Variants in TRIP4 observed in about 807,000 individuals in gnomAD.
TRIP4 encodes the protein thyroid hormone receptor interactor 4.
A neutral mutation model predicts 81.8 loss-of-function variants in TRIP4; 54 were observed. The ratio of observed to expected loss-of-function variants is 0.66; its 90% CI spans 0.53 to 0.83. The LOEUF (loss-of-function observed/expected upper bound fraction) is 0.83. Among genes scored for constraint, TRIP4 ranks in the 40% least tolerant of loss-of-function variants. The pLI is 0.00. For synonymous variants in TRIP4, 270 were observed against 242.8 expected (o/e 1.11, Z -1.04); for missense variants, 662 against 683.6 (o/e 0.97, Z 0.35).
intron 11 of TRIP4, among the ~76,000 whole-genome samples, chr15:64,440,457 G>A (rs1220281911): frequency 2.7e-5 from 1 of 36,978 alleles, no homozygotes; most frequent in Non-Finnish European, 4.8e-5. Flanking sequence ...GATTGTGGTT[G>A]TCTTTTTTTT....
Position 64,399,836 on chromosome 15 carries a change from A to C in TRIP4, c.619-907A>C, listed in dbSNP as rs1344293933. Among the ~76,000 whole-genome samples, 3 of 151,448 alleles carry C rather than the reference A, an allele frequency of 2.0e-5. No individual in the cohort carries two copies. In the East Asian group the frequency reaches 6.0e-4, roughly 30 times the overall value. The stretch of plus-strand genomic sequence containing the variant: ...TTTTAGACAGAGTCTCAGGCCAGGC[A>C]TGCTGGCTTATGTCTGTAATCCCAG... On this transcript the variant is annotated intron_variant, in intron 4 of 12. Coordinates refer to ENST00000261884, the MANE Select transcript of TRIP4 (RefSeq NM_016213.5).
At chr15:64,441,585 A>G (rs903748964) in intron 11 of TRIP4, among the ~76,000 whole-genome samples, 1 of 152,002 alleles carries the variant, frequency 6.6e-6, no homozygotes, top group African/African-American at 2.4e-5. Context: ...CATCCTGGCT[A>G]ACACGGTGAA....
At chr15:64,425,668 T>C in intron 11 of TRIP4, 37 bp downstream of exon 11, 5 of 1,552,460 alleles carry the variant, frequency 3.2e-6, no homozygotes, top group Non-Finnish European at 4.4e-6. Flanking sequence ...AGAGACAGGG[T>C]TTCGCCATGT....
intron 8 of TRIP4, among the ~76,000 whole-genome samples, chr15:64,416,513 A>G (rs1891893811): frequency 6.6e-6 from 1 of 152,164 alleles, no homozygotes; most frequent in Non-Finnish European, 1.5e-5. Context: ...ACTTGAAGCC[A>G]GGAGGTCAAG....
chr15:64,409,324 A>G (rs539870560), intron 6 of TRIP4, among the ~76,000 whole-genome samples: 39 of 152,308 alleles, frequency 2.6e-4, no homozygotes, highest in African/African-American at 8.9e-4. Flanking sequence ...TAAGCTGTCA[A>G]ACTTGAACTC....
intron 4 of TRIP4, among the ~76,000 whole-genome samples, chr15:64,399,094 G>C (rs1257070444): frequency 2.0e-5 from 3 of 151,356 alleles, no homozygotes; most frequent in African/African-American, 4.9e-5. Context: ...GGACAACAGG[G>C]ACACACCACC....
At chr15:64,452,220 G>C (rs545798070) in intron 12 of TRIP4, among the ~76,000 whole-genome samples, 4 of 152,124 alleles carry the variant, frequency 2.6e-5, no homozygotes, top group Non-Finnish European at 5.9e-5. Flanking sequence ...GGGCTCAAGC[G>C]ATCTGCCTGC....
rs573460489 is a variant in TRIP4 at position 64,412,279 on chromosome 15, C to T, written c.1044-1806C>T. Among the ~76,000 whole-genome samples, 11 of 152,210 alleles carry T rather than the reference C, an allele frequency of 7.2e-5. 1 individual carries two copies. Among genetic ancestry groups the T allele is most frequent in the Admixed American group, 3.9e-4 (6 of 15,262 alleles). On this transcript the variant is annotated intron_variant, in intron 7 of 12. Coordinates refer to ENST00000261884, the MANE Select transcript of TRIP4 (RefSeq NM_016213.5). ...TCTCTTTCAGACCTCACTCTCCCCA[C>T]GCTATTTTAGACTTACCTCATCATA...
Position 64,445,230 on chromosome 15 carries a change from C to T in TRIP4, c.1678+122C>T, listed in dbSNP as rs1054408906. The T allele has an allele frequency of 9.3e-6, 5 of 539,646 alleles. No individual in the cohort carries two copies. In the Admixed American group the frequency reaches 1.9e-4, roughly 20 times the overall value. The allele number at this position is 539,646 out of a possible 1,614,324, so 33.4% of individuals were successfully genotyped here. A position where few individuals can be genotyped will look rare whatever the true frequency, so the allele number is the denominator to read the frequency against. On this transcript the variant is annotated intron_variant, in intron 12 of 12. Transcript: ENST00000261884. ...AACAATCAGTTGAGGTAACCCACTA[C>T]CTTTGGATCAGCCTGTAAGTCATAA... is the stretch of plus-strand genomic sequence containing the variant.
At chr15:64,415,930 G>A (rs1177210575) in intron 8 of TRIP4, among the ~76,000 whole-genome samples, 2 of 152,178 alleles carry the variant, frequency 1.3e-5, no homozygotes, top group African/African-American at 4.8e-5. Flanking sequence ...CGTAGAGAAT[G>A]GATTGGAGGG....
At chr15:64,395,755 T>A (rs75920008) in intron 3 of TRIP4, among the ~76,000 whole-genome samples, 2 of 149,470 alleles carry the variant, frequency 1.3e-5, no homozygotes, top group African/African-American at 4.9e-5. Context: ...TTTTTTTTTT[T>A]CCCCAAGACA....
intron 6 of TRIP4, among the ~76,000 whole-genome samples, chr15:64,408,708 T>C (rs1359937176): frequency 6.6e-6 from 1 of 152,184 alleles, no homozygotes; most frequent in Non-Finnish European, 1.5e-5. Context: ...ATTGGAGTAA[T>C]CACTCAACTT....
chr15:64,429,705 C>T (rs978830412), intron 11 of TRIP4, among the ~76,000 whole-genome samples: 3 of 152,148 alleles, frequency 2.0e-5, no homozygotes, highest in Non-Finnish European at 4.4e-5. Flanking sequence ...TCTAAGTATG[C>T]TTGATTTTTC....
rs186634344 is a variant in TRIP4 at position 64,397,458 on chromosome 15, C to G, written c.406-148C>G. The G allele has an allele frequency of 2.1e-3, 1,583 of 754,674 alleles. 7 individuals are homozygous for G. The highest frequency in any genetic ancestry group is 4.7e-3 in the Middle Eastern group (12 of 2,532). 46.7% of individuals were successfully genotyped at this position (754,674 alleles called of 1,614,324 possible). On this transcript the variant is annotated intron_variant, in intron 3 of 12. Coordinates refer to ENST00000261884, the MANE Select transcript of TRIP4 (RefSeq NM_016213.5). ...CCTTTCCTCAGAACCTTGATTATAA[C>G]TAATTTGTATTTCTTCCTTTCACTG...
At chr15:64,395,803 C>T (rs1261099565) in intron 3 of TRIP4, among the ~76,000 whole-genome samples, 8 of 149,302 alleles carry the variant, frequency 5.4e-5, no homozygotes, top group South Asian at 2.1e-4. Flanking sequence ...TGCAGTGGTG[C>T]GATCTCTGCT....
Position 64,443,889 on chromosome 15 carries a change from C to T in TRIP4, c.1576-1117C>T, listed in dbSNP as rs1174226834. Among the ~76,000 whole-genome samples the T allele has an allele frequency of 4.6e-5, 7 of 152,190 alleles. No homozygotes were observed. In the East Asian group the frequency reaches 1.4e-3, roughly 29 times the overall value. On this transcript the variant is annotated intron_variant, in intron 11 of 12. Coordinates refer to ENST00000261884, the MANE Select transcript of TRIP4 (RefSeq NM_016213.5). ...AACAAAACAAAAACAAAGTACATGTCCCACCTCTTCCACACTGAAAGCCAT... is the reference window on the plus strand; with the variant it reads ...AACAAAACAAAAACAAAGTACATGTTCCACCTCTTCCACACTGAAAGCCAT...
At chr15:64,419,637 CG>C (rs1891966970) in intron 9 of TRIP4, among the ~76,000 whole-genome samples, 1 of 151,658 alleles carries the variant, frequency 6.6e-6, no homozygotes, top group African/African-American at 2.4e-5. Context: ...GGATTACAGA[CG>C]TGAACCACCG....
At position 64,425,593 on chromosome 15, in the gene TRIP4, C is replaced by G. The variant is rs1275611572; in HGVS notation, c.1537C>G (p.Leu513Val). ...PSGCLLGCVD[L>V]IDCLSQKQFK... ...AGGTTGTCTTCTGGGCTGTGTGGAC[C>G]TAATTGACTGCTTGTCCCAGAAGCA... Residue 513 changes from leucine to valine, a missense_variant, in exon 11 of 13, where the codon CTA becomes GTA. Physicochemically the swap from Leu to Val is conservative, Grantham distance 32. Coordinates refer to ENST00000261884, the MANE Select transcript of TRIP4 (RefSeq NM_016213.5). 1 of 1,612,384 alleles carries G rather than the reference C, an allele frequency of 6.2e-7. No homozygotes were observed. Among genetic ancestry groups the G allele is most frequent in the East Asian group, 2.2e-5 (1 of 44,794 alleles).
intron 9 of TRIP4, among the ~76,000 whole-genome samples, chr15:64,420,310 G>A (rs1232374554): frequency 4.0e-5 from 6 of 151,064 alleles, no homozygotes; most frequent in African/African-American, 9.7e-5. Context: ...TAGTAGAGAC[G>A]AGGTTTCTCC....
Sources: gnomAD v4.1 joint callset for allele counts (sites outside exome capture counted in the v4.1 genomes callset) on GRCh38, gnomAD v4.1.1 for gene constraint, MANE v1.5 for transcripts, NCBI Gene and HGNC (gene_info 2026-07-23, HGNC 2026-07-21) for gene names.